The following KHDRBS1 variants were observed in gnomAD, a reference collection of about 807,000 sequenced individuals.
KHDRBS1 encodes KH domain-containing, RNA-binding, signal transduction-associated protein 1.
In KHDRBS1, 7 loss-of-function variants were observed where a neutral mutation model predicts 48.4. The observed-to-expected ratio is 0.14, with a 90% CI of 0.08 to 0.27. The LOEUF is 0.27. KHDRBS1 is among the 10% of genes least tolerant of loss of function. The probability of loss-of-function intolerance (pLI) is 1.00; values close to 1 mark genes in which losing one functional copy is unlikely to be tolerated. For synonymous variants in KHDRBS1, 241 were observed against 235.8 expected (o/e 1.02, Z -0.20); for missense variants, 458 against 601.2 (o/e 0.76, Z 2.49).
chr1:32,037,492 C>T (rs888075592), intron 5 of KHDRBS1, among the ~76,000 whole-genome samples: 1 of 151,926 alleles, frequency 6.6e-6, no homozygotes. Flanking sequence ...TTGACCATAG[C>T]CAAGTGCTGC....
At chr1:32,052,001 C>A (rs1307750253) in intron 10 of KHDRBS1, among the ~76,000 whole-genome samples, 25 of 152,138 alleles carry the variant, frequency 1.6e-4, no homozygotes. Flanking sequence ...TCATTTTATT[C>A]TCAGTCTATG....
At chr1:32,050,247 CTTTT>C (rs940996592) in intron 10 of KHDRBS1, among the ~76,000 whole-genome samples, 1 of 152,114 alleles carries the variant, frequency 6.6e-6, no homozygotes, top group African/African-American at 2.4e-5. Context: ...GATAATTTGT[CTTTT>C]TATTAGCGAG....
rs894731307 is a variant in KHDRBS1, at chr1:32,027,517, G to A, written c.383-2781G>A. ...GAAGCATTACTCTGTTAACTGTAAGGTCAAATTTGTTTTCTATTCCAAGCA... is the reference window on the plus strand; with the variant it reads ...GAAGCATTACTCTGTTAACTGTAAGATCAAATTTGTTTTCTATTCCAAGCA... On this transcript the variant is annotated intron_variant, in intron 1 of 8. Transcript: ENST00000327300. 1.2e-4 allele frequency among the ~76,000 whole-genome samples: 18 copies of A among 152,168 alleles called. 1 individual carries two copies. The highest frequency in any genetic ancestry group is 6.6e-4 in the Admixed American group (10 of 15,264).
downstream of KHDRBS1, among the ~76,000 whole-genome samples, chr1:32,048,035 T>C (rs552472872): frequency 1.3e-5 from 2 of 152,360 alleles, no homozygotes; most frequent in East Asian, 1.9e-4. Context: ...ATACTAGTCA[T>C]AGGAAACATT....
Position 32,014,393 on chromosome 1 carries a change from G to A in KHDRBS1, c.382+16G>A. On this transcript the variant is annotated intron_variant, in intron 1 of 8. Coordinates refer to ENST00000327300, the MANE Select transcript of KHDRBS1 (RefSeq NM_006559.3). ...CTGACGGCAGGTAAGGGGGCCTCCC[G>A]TGTCCCTCTGGGTCGCCCGGCCATC... The A allele has an allele frequency of 7.4e-7, 1 of 1,356,288 alleles. No homozygotes were observed. The highest frequency in any genetic ancestry group is 9.6e-7 in the Non-Finnish European group (1 of 1,036,646). 84.0% of individuals were successfully genotyped at this position (1,356,288 alleles called of 1,614,324 possible).
chr1:32,042,866 G>A lies in KHDRBS1; in HGVS notation c.*242G>A, dbSNP rs1639305400. 2 of 297,418 alleles carry A rather than the reference G, an allele frequency of 6.7e-6. No individual in the cohort carries two copies. Among genetic ancestry groups the A allele is most frequent in the South Asian group, 2.0e-4 (2 of 9,836 alleles). 18.4% of individuals were successfully genotyped at this position (297,418 alleles called of 1,614,324 possible). On this transcript the variant is annotated 3_prime_UTR_variant, in exon 9 of 9. Transcript: ENST00000327300. ...ATTGAATTAATTTTTTAAGTGTGTA[G>A]ATGCTTTTTTCTTTGTTGTTTAAAT...
At chr1:32,033,474 G>A in intron 4 of KHDRBS1, 140 bp downstream of exon 4, 1 of 1,150,466 alleles carries the variant, frequency 8.7e-7, no homozygotes, top group South Asian at 1.8e-5. Context: ...ATTTTCCTTA[G>A]GTAGTTCGTT....
intron 10 of KHDRBS1, among the ~76,000 whole-genome samples, chr1:32,054,008 C>T (rs982633989): frequency 9.2e-5 from 14 of 151,990 alleles, no homozygotes; most frequent in Non-Finnish European, 1.5e-4. Flanking sequence ...CGCTTGTACC[C>T]AGGAGGTGGA....
rs773716292 is a variant in KHDRBS1, at chr1:32,036,988, C to T, written c.850C>T (p.Arg284Cys). The T allele has an allele frequency of 1.2e-5, 19 of 1,613,954 alleles. No homozygotes were observed. Among genetic ancestry groups the T allele is most frequent in the East Asian group, 6.7e-5 (3 of 44,892 alleles). ...TGGAGTACCTGAACCCTCTCGTGGA[C>T]GTGGGGTGCCAGTGAGAGGCCGGGG... ...LNGVPEPSRGRGVPVRGRGAA... is the reference protein window; with the variant it reads ...LNGVPEPSRGCGVPVRGRGAA... Residue 284 changes from arginine to cysteine, a missense_variant, in exon 5 of 9, where the codon CGT becomes TGT. By Grantham distance (180) the Arg-to-Cys change is radical. Coordinates refer to ENST00000327300, the MANE Select transcript of KHDRBS1 (RefSeq NM_006559.3).
intron 2 of KHDRBS1, 73 bp downstream of exon 2, chr1:32,030,495 C>T: frequency 4.6e-6 from 6 of 1,302,480 alleles, no homozygotes; most frequent in Non-Finnish European, 6.2e-6. Flanking sequence ...ATAATAAAGA[C>T]TCCTGGGGAT....
At chr1:32,017,483 A>G (rs539327742) in intron 1 of KHDRBS1, among the ~76,000 whole-genome samples, 7 of 152,212 alleles carry the variant, frequency 4.6e-5, no homozygotes, top group African/African-American at 1.2e-4. Context: ...GTCTGCAGAC[A>G]TAAGGATTCA....
intron 1 of KHDRBS1, among the ~76,000 whole-genome samples, chr1:32,018,772 A>G (rs1215201275): frequency 7.0e-6 from 1 of 142,844 alleles, no homozygotes; most frequent in Non-Finnish European, 1.5e-5. Context: ...CAAACAAACA[A>G]ACAAACTGGA....
intron 1 of KHDRBS1, among the ~76,000 whole-genome samples, chr1:32,016,302 C>T (rs572969030): frequency 7.5e-4 from 114 of 151,892 alleles, no homozygotes; most frequent in African/African-American, 2.3e-3. Context: ...TGAGAACTTA[C>T]TTTTATTATC....
intron 1 of KHDRBS1, 89 bp downstream of exon 1, chr1:32,014,466 C>T (rs987316022): frequency 1.1e-5 from 13 of 1,223,034 alleles, no homozygotes; most frequent in Non-Finnish European, 1.3e-5. Flanking sequence ...CCCGCCCCCT[C>T]GGGACCGAGG....
intron 6 of KHDRBS1, 166 bp downstream of exon 6, chr1:32,038,202 AT>A: frequency 8.8e-7 from 1 of 1,135,174 alleles, no homozygotes; most frequent in Non-Finnish European, 1.2e-6. Flanking sequence ...AGATTTTTCC[AT>A]TTTAGGCAGG....
intron 10 of KHDRBS1, among the ~76,000 whole-genome samples, chr1:32,057,292 A>C (rs1394327948): frequency 6.6e-6 from 1 of 152,086 alleles, no homozygotes; most frequent in Non-Finnish European, 1.5e-5. Context: ...GTGATCCTCC[A>C]CCTCAGCCTC....
intron 7 of KHDRBS1, 49 bp from the exon 8 acceptor site, chr1:32,039,466 G>GT: frequency 1.2e-6 from 1 of 862,646 alleles, no homozygotes; most frequent in South Asian, 1.3e-5. Flanking sequence ...AGAGAAAGTT[G>GT]AAACATAGTT....
rs1305416792 is a variant in KHDRBS1, at chr1:32,013,934, C to T, written c.-62C>T. 3.6e-5 allele frequency: 49 copies of T among 1,352,666 alleles called. No homozygotes were observed. The highest frequency in any genetic ancestry group is 2.7e-4 in the Middle Eastern group (1 of 3,650). The allele number at this position is 1,352,666 out of a possible 1,614,324, so 83.8% of individuals were successfully genotyped here. ...CCCGCTCTGCCACCCCCGCCAACCG[C>T]CGCTCGGGCCTCCGTCGCTGCCGCG... On this transcript the variant is annotated 5_prime_UTR_variant, in exon 1 of 9. Coordinates refer to ENST00000327300, the MANE Select transcript of KHDRBS1 (RefSeq NM_006559.3).
At chr1:32,033,486 C>T in intron 4 of KHDRBS1, 152 bp downstream of exon 4, 4 of 1,005,502 alleles carry the variant, frequency 4.0e-6, no homozygotes, top group Non-Finnish European at 4.2e-6. Flanking sequence ...TAGTTCGTTA[C>T]TTGCACCTAG....
Sources: gnomAD v4.1 joint callset for allele counts (sites outside exome capture counted in the v4.1 genomes callset) on GRCh38, gnomAD v4.1.1 for gene constraint, MANE v1.5 for transcripts, NCBI Gene and HGNC (gene_info 2026-07-23, HGNC 2026-07-21) for gene names.